PARN: variants seen among roughly 807,000 people sequenced by gnomAD.
PARN encodes poly(A)-specific ribonuclease.
In PARN, 71 loss-of-function variants were observed where a neutral mutation model predicts 102.8. That is an observed-to-expected ratio of 0.69 (90% CI 0.57 to 0.84). PARN has a LOEUF of 0.84. Among genes scored for constraint, PARN ranks in the 40% least tolerant of loss-of-function variants. PARN has a pLI of 0.00. For missense variants in PARN, 782 were observed against 760.9 expected, an observed-to-expected ratio of 1.03 and a Z score of -0.33; for synonymous variants, 261 against 252.9, an observed-to-expected ratio of 1.03 and a Z score of -0.30.
intron 5 of PARN, among the ~76,000 whole-genome samples, chr16:14,620,217 A>C (rs1421524493): frequency 6.6e-6 from 1 of 151,802 alleles, no homozygotes; most frequent in Non-Finnish European, 1.5e-5. Flanking sequence ...CTCTACTAAA[A>C]ATACAAAAAA....
chr16:14,624,178 T>C (rs1351865400), intron 5 of PARN, among the ~76,000 whole-genome samples: 1 of 152,160 alleles, frequency 6.6e-6, no homozygotes, highest in Non-Finnish European at 1.5e-5. Context: ...TCAAATCCTA[T>C]ATGCTTTAAG....
At chr16:14,590,941 C>A (rs559818289) in intron 13 of PARN, among the ~76,000 whole-genome samples, 164 of 152,288 alleles carry the variant, frequency 1.1e-3, no homozygotes, top group Non-Finnish European at 2.0e-3. Flanking sequence ...GTCTTCCAAT[C>A]TAGAAGTAAC....
intron 8 of PARN, among the ~76,000 whole-genome samples, chr16:14,608,607 G>A (rs1427039078): frequency 6.6e-6 from 1 of 152,120 alleles, no homozygotes; most frequent in Non-Finnish European, 1.5e-5. Flanking sequence ...GTAGACAGAT[G>A]CATTGAAATA....
At chr16:14,476,539 T>G (rs1336124561) in intron 22 of PARN, among the ~76,000 whole-genome samples, 2 of 152,064 alleles carry the variant, frequency 1.3e-5, no homozygotes, top group East Asian at 3.9e-4. Context: ...AATATGTAAA[T>G]GAATGGGGGG....
intron 5 of PARN, among the ~76,000 whole-genome samples, chr16:14,620,920 A>G (rs933735412): frequency 3.3e-5 from 5 of 152,146 alleles, no homozygotes; most frequent in African/African-American, 1.2e-4. Context: ...CTTTTCTTTC[A>G]AATTTTCATT....
intron 21 of PARN, among the ~76,000 whole-genome samples, chr16:14,511,439 T>C (rs1567335147): frequency 1.3e-5 from 2 of 151,176 alleles, no homozygotes; most frequent in Non-Finnish European, 2.9e-5. Flanking sequence ...TCCTATTTGA[T>C]GGCTCATTAA....
intron 21 of PARN, among the ~76,000 whole-genome samples, chr16:14,509,982 A>T (rs1351912519): frequency 2.0e-5 from 3 of 152,262 alleles, no homozygotes; most frequent in African/African-American, 7.2e-5. Flanking sequence ...GGTGGAGAGG[A>T]CTAAATCCTC....
chr16:14,598,840 T>C (rs1970692208), intron 12 of PARN, among the ~76,000 whole-genome samples: 1 of 152,122 alleles, frequency 6.6e-6, no homozygotes, highest in Non-Finnish European at 1.5e-5. Context: ...AGAGGGTTTC[T>C]ATGGCCTTAA....
In PARN at chr16:14,468,527, T is replaced by C. The variant is rs114658955; in HGVS notation, c.1670+14111A>G. On this transcript the variant is annotated intron_variant, in intron 22 of 23. Transcript: ENST00000437198. Reference sequence around the variant, plus strand: ...ATAGCTTGTATAGGATGGTCCCCAGTGTTGGGCAGCAAGGAGGAAAGTGTT... The same window carrying C: ...ATAGCTTGTATAGGATGGTCCCCAGCGTTGGGCAGCAAGGAGGAAAGTGTT... Among the ~76,000 whole-genome samples the C allele has an allele frequency of 8.5e-3, 1,293 of 152,248 alleles. 22 individuals are homozygous for C. The highest frequency in any genetic ancestry group is 0.029 in the African/African-American group (1,213 of 41,540).
chr16:14,591,798 G>C (rs903498516), intron 13 of PARN: 2 of 152,218 alleles, frequency 1.3e-5, no homozygotes, highest in Non-Finnish European at 2.9e-5. Flanking sequence ...AGCACTTTAG[G>C]AGGCTGAGGC....
At chr16:14,532,518 G>T (rs1288981288) in intron 21 of PARN, among the ~76,000 whole-genome samples, 2 of 137,782 alleles carry the variant, frequency 1.5e-5, no homozygotes, top group African/African-American at 4.9e-5. Context: ...AACAGGATAA[G>T]AATTTTTCTT....
At chr16:14,609,313 C>T (rs1195442884) in intron 7 of PARN, among the ~76,000 whole-genome samples, 190 bp from the exon 8 acceptor site, 1 of 152,050 alleles carries the variant, frequency 6.6e-6, no homozygotes, top group African/African-American at 2.4e-5. Flanking sequence ...GCATAGAATC[C>T]CAGCACTTTG....
chr16:14,525,397 C>T (rs1965944125), intron 21 of PARN, among the ~76,000 whole-genome samples: 1 of 152,134 alleles, frequency 6.6e-6, no homozygotes, highest in South Asian at 2.1e-4. Flanking sequence ...GAAGGGACAA[C>T]CCTTCTATGA....
intron 21 of PARN, among the ~76,000 whole-genome samples, chr16:14,538,746 A>C (rs933945008): frequency 1.3e-5 from 2 of 152,162 alleles, no homozygotes; most frequent in African/African-American, 2.4e-5. Context: ...CATGTTAGGA[A>C]CCAGGCTGCA....
intron 18 of PARN, among the ~76,000 whole-genome samples, chr16:14,559,621 G>A (rs547954526): frequency 4.6e-5 from 7 of 151,918 alleles, no homozygotes; most frequent in Admixed American, 2.0e-4. Flanking sequence ...TAGTCACCCT[G>A]TTGTGCTATC....
At chr16:14,526,702 T>C (rs1417692956) in intron 21 of PARN, among the ~76,000 whole-genome samples, 1 of 152,190 alleles carries the variant, frequency 6.6e-6, no homozygotes, top group Non-Finnish European at 1.5e-5. Context: ...AACATCATCT[T>C]CAATTAAAGT....
chr16:14,563,928 T>C (rs989940786), intron 18 of PARN, among the ~76,000 whole-genome samples: 1 of 152,158 alleles, frequency 6.6e-6, no homozygotes, highest in Non-Finnish European at 1.5e-5. Context: ...AAGTAACATT[T>C]ATCATGGCCT....
intron 21 of PARN, among the ~76,000 whole-genome samples, chr16:14,520,609 G>C (rs1281439536): frequency 6.6e-6 from 1 of 151,914 alleles, no homozygotes; most frequent in East Asian, 1.9e-4. Context: ...TGAGGCAGGA[G>C]AACAGCTTGA....
At chr16:14,455,301 G>GT (rs1961628734) in intron 22 of PARN, among the ~76,000 whole-genome samples, 1 of 152,154 alleles carries the variant, frequency 6.6e-6, no homozygotes, top group Admixed American at 6.5e-5. Flanking sequence ...CTTTCCTAGT[G>GT]TTGAAAATAT....
Sources: allele counts gnomAD v4.1 joint callset (sites outside exome capture counted in the v4.1 genomes callset), GRCh38; gene constraint gnomAD v4.1.1; transcripts MANE v1.5; gene names NCBI Gene and HGNC (gene_info 2026-07-23, HGNC 2026-07-21).